The following ESPNL variants were observed in gnomAD, a reference collection of about 807,000 sequenced individuals.
ESPNL encodes the protein espin-like protein.
A neutral mutation model predicts 46.8 loss-of-function variants in ESPNL; 49 were observed. That is an observed-to-expected ratio of 1.05 (90% CI 0.83 to 1.33). The LOEUF (loss-of-function observed/expected upper bound fraction) is 1.33. Ranked by LOEUF, ESPNL falls within the 40% of genes most tolerant of loss-of-function variation. The pLI, the probability that ESPNL is intolerant of heterozygous loss-of-function variation, is 0.00. For missense variants in ESPNL, 1,540 were observed against 1,436.6 expected, an observed-to-expected ratio of 1.07 and a Z score of -1.16; for synonymous variants, 664 against 662.1, an observed-to-expected ratio of 1.00 and a Z score of -0.04.
chr2:238,127,672 A>C lies in ESPNL; in HGVS notation c.1153A>C (p.Arg385=). 6.2e-7 allele frequency: 1 copy of C among 1,612,750 alleles called. No individual in the cohort carries two copies. Among genetic ancestry groups the C allele is most frequent in the Non-Finnish European group, 8.5e-7 (1 of 1,179,564 alleles). The part of the protein sequence containing the change: ...WPGHPDQPLP[R]EQMTSPAPPR... ...TGGCCATCCTGACCAGCCTCTTCCC[A>C]GGGAGCAGATGACCAGCCCGGCCCC... The change falls in exon 7 of 9, where the codon AGG becomes CGG. Residue 385 remains arginine (R), a synonymous_variant. Coordinates refer to ENST00000343063, the MANE Select transcript of ESPNL (RefSeq NM_194312.4).
At chr2:238,124,175 G>A (rs1692047715) in intron 5 of ESPNL, among the ~76,000 whole-genome samples, 1 of 152,244 alleles carries the variant, frequency 6.6e-6, no homozygotes, top group Admixed American at 6.5e-5. Flanking sequence ...CCAGAATCGT[G>A]GCCGATTTGA....
intron 5 of ESPNL, among the ~76,000 whole-genome samples, chr2:238,122,717 C>T (rs987220805): frequency 6.6e-6 from 1 of 152,228 alleles, no homozygotes; most frequent in Non-Finnish European, 1.5e-5. Context: ...CTGAGGGCTC[C>T]CAGGCAGGGG....
chr2:238,130,127 G>A lies in ESPNL; in HGVS notation c.1414-1G>A, dbSNP rs773001729. The A allele has an allele frequency of 1.5e-5, 24 of 1,608,356 alleles. No individual in the cohort carries two copies. The highest frequency in any genetic ancestry group is 2.0e-5 in the Non-Finnish European group (23 of 1,176,908). ...GCTCACCCTGCCCTTCCTGTGCCCA[G>A]GACAATGGTGGGAGCTCAGGCCCCA... On this transcript the variant is annotated splice_acceptor_variant, in intron 8 of 8. Transcript: ENST00000343063. LOFTEE classifies it high-confidence loss of function.
At chr2:238,128,642 G>A in intron 7 of ESPNL, 65 bp from the exon 8 acceptor site, 2 of 1,496,080 alleles carry the variant, frequency 1.3e-6, no homozygotes, top group Non-Finnish European at 1.8e-6. Flanking sequence ...CGTCCTCTCG[G>A]ATCTTCCCTC....
chr2:238,108,021 C>A (rs769888667), intron 4 of ESPNL, 48 bp downstream of exon 4: 1 of 1,546,918 alleles, frequency 6.5e-7, no homozygotes, highest in Admixed American at 1.8e-5. Context: ...AAGTGCCAGC[C>A]ATGCCCAGTG....
rs1394216191 is a variant in ESPNL, at chr2:238,132,459, TGAGA to T, written c.*731_*734del. 7.2e-5 allele frequency: 11 copies of T among 152,468 alleles called. No homozygotes were observed. Among genetic ancestry groups the T allele is most frequent in the South Asian group, 2.1e-4 (1 of 4,838 alleles). 9.4% of individuals were successfully genotyped at this position (152,468 alleles called of 1,614,324 possible). A position where few individuals can be genotyped will look rare whatever the true frequency, so the allele number is the denominator to read the frequency against. On this transcript the variant is annotated 3_prime_UTR_variant, in exon 9 of 9. Transcript: ENST00000343063. ...GCAGGGACGTGGGAGTAGCAGTGGC[TGAGA>T]GAGTCCTCCAGGCAGGGTGGCTGGT...
rs1381623423 is a variant in ESPNL at position 238,132,512 on chromosome 2, C to G, written c.*780C>G. The G allele has an allele frequency of 6.6e-6, 1 of 152,396 alleles. No homozygotes were observed. Among genetic ancestry groups the G allele is most frequent in the Non-Finnish European group, 1.5e-5 (1 of 68,156 alleles). The allele number at this position is 152,396 out of a possible 1,614,324, so 9.4% of individuals were successfully genotyped here. On this transcript the variant is annotated 3_prime_UTR_variant, in exon 9 of 9. Coordinates refer to ENST00000343063, the MANE Select transcript of ESPNL (RefSeq NM_194312.4). ...GTGCCCACTCTCAAAGGCTGCTGCA[C>G]ACAGAGGAGAATGCCGGCAGGGGTG...
chr2:238,123,194 G>A (rs989653394), intron 5 of ESPNL, among the ~76,000 whole-genome samples: 4 of 152,318 alleles, frequency 2.6e-5, no homozygotes, highest in Middle Eastern at 3.4e-3. Context: ...GTCGCTCCCT[G>A]CACACACAGC....
intron 3 of ESPNL, 52 bp downstream of exon 3, chr2:238,104,894 C>T (rs1280501081): frequency 2.2e-6 from 3 of 1,379,392 alleles, no homozygotes; most frequent in South Asian, 1.6e-5. Context: ...GTGGGCCCTC[C>T]AGCAAGCAGA....
intron 8 of ESPNL, among the ~76,000 whole-genome samples, chr2:238,129,797 G>A (rs577149636): frequency 3.9e-5 from 6 of 152,236 alleles, no homozygotes; most frequent in Middle Eastern, 3.2e-3. Flanking sequence ...GCCACCTGTC[G>A]TTTCTGTAGC....
chr2:238,130,264 T>C lies in ESPNL; in HGVS notation c.1550T>C (p.Leu517Pro). The part of the protein sequence containing the change: ...LVYLEKQIAD[L>P]QLRRRCQEYE... The stretch of plus-strand genomic sequence containing the variant: ...TACCTGGAGAAGCAGATTGCAGACC[T>C]GCAGCTTCGGCGCCGCTGTCAGGAG... Residue 517 changes from leucine (L) to proline (P), a missense_variant, in exon 9 of 9, where the codon CTG becomes CCG. Coordinates refer to ENST00000343063, the MANE Select transcript of ESPNL (RefSeq NM_194312.4). The C allele has an allele frequency of 6.2e-7, 1 of 1,609,396 alleles. No homozygotes were observed. Among genetic ancestry groups the C allele is most frequent in the East Asian group, 2.2e-5 (1 of 44,734 alleles).
intron 5 of ESPNL, among the ~76,000 whole-genome samples, chr2:238,120,560 T>C (rs1691963681): frequency 6.6e-6 from 1 of 152,160 alleles, no homozygotes; most frequent in African/African-American, 2.4e-5. Context: ...CCATCCAGAG[T>C]CCCCTCCTGC....
At chr2:238,118,099 A>T (rs1270710622) in intron 5 of ESPNL, among the ~76,000 whole-genome samples, 1 of 132,488 alleles carries the variant, frequency 7.5e-6, no homozygotes. Flanking sequence ...AGGAGGGTGG[A>T]TGGAGGAGTT....
In ESPNL at chr2:238,130,436, A is replaced by G. The variant is rs758181534; in HGVS notation, c.1722A>G (p.Ala574=). The change falls in exon 9 of 9, where the codon GCA becomes GCG. Residue 574 remains alanine, a synonymous_variant. Coordinates refer to ENST00000343063, the MANE Select transcript of ESPNL (RefSeq NM_194312.4). ...EEASIPAAEP[A]GSAEASEVAP... ...CCTCAATCCCAGCGGCTGAGCCCGCAGGGTCTGCGGAGGCCTCAGAGGTGG... is the reference window on the plus strand; with the variant it reads ...CCTCAATCCCAGCGGCTGAGCCCGCGGGGTCTGCGGAGGCCTCAGAGGTGG... 11 of 1,605,960 alleles carry G rather than the reference A, an allele frequency of 6.8e-6. No individual in the cohort carries two copies. The South Asian group carries it at 1.1e-4, about 16-fold the overall frequency.
Position 238,125,842 on chromosome 2 carries a change from G to A in ESPNL, c.1102+458G>A, listed in dbSNP as rs534251920. Among the ~76,000 whole-genome samples the A allele has an allele frequency of 4.6e-5, 7 of 152,032 alleles. No homozygotes were observed. The East Asian group carries it at 1.4e-3, about 29-fold the overall frequency. ...ATTATCAACAGGTGCCACAGGTAGT[G>A]AGGGCGAGCTTCCTCCACGGGCCCT... On this transcript the variant is annotated intron_variant, in intron 6 of 8. Coordinates refer to ENST00000343063, the MANE Select transcript of ESPNL (RefSeq NM_194312.4).
chr2:238,125,940 CACAT>C (rs1692097092), intron 6 of ESPNL, among the ~76,000 whole-genome samples: 1 of 151,580 alleles, frequency 6.6e-6, no homozygotes, highest in South Asian at 2.1e-4. Context: ...GTGTGTGATA[CACAT>C]AGATACGGGG....
rs542298602 is a variant in ESPNL at position 238,104,755 on chromosome 2, C to T, written c.585C>T (p.Gly195=). ...HLAQFLVKDC[G]ADVHLRALDG... ...CCCAGTTCCTGGTGAAGGACTGTGG[C>T]GCTGACGTGCACCTTCGTGCTCTCG... The change falls in exon 3 of 9, where the codon GGC becomes GGT. Residue 195 remains glycine (G), a synonymous_variant. Coordinates refer to ENST00000343063, the MANE Select transcript of ESPNL (RefSeq NM_194312.4). 1.9e-5 allele frequency: 31 copies of T among 1,606,164 alleles called. No homozygotes were observed. The East Asian group carries it at 3.4e-4, about 17-fold the overall frequency.
intron 4 of ESPNL, among the ~76,000 whole-genome samples, chr2:238,110,949 CTTTTTTTTT>C (rs5839686): frequency 9.0e-6 from 1 of 111,004 alleles, no homozygotes; most frequent in African/African-American, 3.3e-5. Flanking sequence ...ATTAGTTATT[CTTTTTTTTT>C]TTTTTTTTTT....
rs116801476 is a variant in ESPNL at position 238,108,217 on chromosome 2, C to T, written c.855+244C>T. Among the ~76,000 whole-genome samples the T allele has an allele frequency of 1.9e-3, 287 of 152,342 alleles. 1 individual carries two copies. Among genetic ancestry groups the T allele is most frequent in the African/African-American group, 6.7e-3 (278 of 41,586 alleles). On this transcript the variant is annotated intron_variant, in intron 4 of 8. Transcript: ENST00000343063. ...CCCTCCCTTCGCGCAGAAACTCCCT[C>T]GTGCCTGGTCAGGGCTTGGTCTTGG...
Sources: allele counts gnomAD v4.1 joint callset (sites outside exome capture counted in the v4.1 genomes callset), GRCh38; gene constraint gnomAD v4.1.1; transcripts MANE v1.5; gene names NCBI Gene and HGNC (gene_info 2026-07-23, HGNC 2026-07-21).